The following CYP4F12 variants were observed in gnomAD, a reference collection of about 807,000 sequenced individuals.
CYP4F12 encodes the protein cytochrome P450 4F12.
In CYP4F12, 60 loss-of-function variants were observed where a neutral mutation model predicts 56.5. The observed-to-expected ratio is 1.06, with a 90% confidence interval of 0.86 to 1.32. The LOEUF is 1.32. Among genes scored for constraint, CYP4F12 ranks in the 40% most tolerant of loss-of-function variants. The pLI, the probability that CYP4F12 is intolerant of heterozygous loss-of-function variation, is 0.00. For missense variants in CYP4F12, 711 were observed against 683.5 expected, an observed-to-expected ratio of 1.04 and a Z score of -0.45; for synonymous variants, 263 against 264.9, an observed-to-expected ratio of 0.99 and a Z score of 0.07.
Position 15,695,937 on chromosome 19 carries a change from G to A in CYP4F12, c.1117G>A (p.Asp373Asn). Residue 373 changes from aspartate (D) to asparagine (N), a missense_variant and splice_region_variant, in exon 10 of 13, where the codon GAC (aspartate) becomes AAC (asparagine). Coordinates refer to ENST00000550308, the MANE Select transcript of CYP4F12 (RefSeq NM_023944.4). ...KDRDPKEIEW[D>N]DLAQLPFLTM... ...ACTGGGGCTGGGGTGTTTCCTTAGGGACGACCTGGCCCAGCTGCCCTTCCT... is the reference window on the plus strand; with the variant it reads ...ACTGGGGCTGGGGTGTTTCCTTAGGAACGACCTGGCCCAGCTGCCCTTCCT... The A allele has an allele frequency of 1.2e-6, 2 of 1,612,504 alleles. No individual in the cohort carries two copies. The highest frequency in any genetic ancestry group is 8.5e-7 in the Non-Finnish European group (1 of 1,179,488).
At chr19:15,696,613 C>T (rs1220977026) in intron 12 of CYP4F12, 101 bp downstream of exon 12, 5 of 1,369,454 alleles carry the variant, frequency 3.7e-6, no homozygotes, top group Non-Finnish European at 5.1e-6. Context: ...CTCCTTCCCT[C>T]CATTCCTTCA....
chr19:15,676,933 C>CACTCACTCATTCCTCTCCT (rs1568413784), intron 2 of CYP4F12, among the ~76,000 whole-genome samples: 3 of 5,118 alleles, frequency 5.9e-4, no homozygotes, highest in African/African-American at 1.7e-3. Context: ...ATTCCTCTCC[C>CACTCACTCATTCCTCTCCT]CACTCACTCA....
At chr19:15,684,585 C>T in intron 7 of CYP4F12, 2 of 455,238 alleles carry the variant, frequency 4.4e-6, no homozygotes, top group Middle Eastern at 5.6e-4. Flanking sequence ...TGATTCCTGT[C>T]ACCAGGGTCC....
chr19:15,678,562 T>A, intron 3 of CYP4F12, 157 bp downstream of exon 3: 1 of 1,009,410 alleles, frequency 9.9e-7, no homozygotes, highest in Non-Finnish European at 1.4e-6. Flanking sequence ...CTTGGTGTTC[T>A]GGGCACCACT....
At chr19:15,689,679 T>C (rs987782547) in intron 9 of CYP4F12, among the ~76,000 whole-genome samples, 14 of 152,186 alleles carry the variant, frequency 9.2e-5, no homozygotes, top group African/African-American at 1.9e-4. Context: ...CAATTCACAA[T>C]TGTAAAGGTA....
chr19:15,684,670 C>T (rs899692127), intron 7 of CYP4F12, 146 bp from the exon 8 acceptor site: 9 of 758,456 alleles, frequency 1.2e-5, no homozygotes, highest in African/African-American at 1.7e-5. Context: ...GAGATCTAGA[C>T]GTGCAGAGTG....
At chr19:15,677,324 C>T (rs186433736) in intron 2 of CYP4F12, among the ~76,000 whole-genome samples, 416 of 16,888 alleles carry the variant, frequency 0.025, 189 homozygotes, top group African/African-American at 0.073. Context: ...AGTCATTCCT[C>T]TCCTCACTCA....
chr19:15,679,971 T>C (rs559426562), intron 3 of CYP4F12, among the ~76,000 whole-genome samples: 16 of 152,310 alleles, frequency 1.1e-4, no homozygotes, highest in African/African-American at 3.6e-4. Context: ...TGGAGCTGTG[T>C]TCAGTTGTTG....
At chr19:15,689,349 A>G (rs905321195) in intron 9 of CYP4F12, among the ~76,000 whole-genome samples, 1 of 152,222 alleles carries the variant, frequency 6.6e-6, no homozygotes, top group Non-Finnish European at 1.5e-5. Context: ...GCCACGAAAC[A>G]TATGAAAAAA....
intron 5 of CYP4F12, chr19:15,681,318 G>A (rs1366080964): frequency 6.6e-6 from 1 of 152,308 alleles, no homozygotes; most frequent in African/African-American, 2.4e-5. Context: ...GAAAGGGTAC[G>A]AATACAGGGA....
intron 2 of CYP4F12, among the ~76,000 whole-genome samples, chr19:15,675,139 G>A (rs1328356181): frequency 6.6e-6 from 1 of 151,350 alleles, no homozygotes; most frequent in Non-Finnish European, 1.5e-5. Context: ...AGTGAGCCCT[G>A]TAGCCCAACC....
chr19:15,679,498 A>T (rs2007166286), intron 3 of CYP4F12, among the ~76,000 whole-genome samples: 1 of 152,126 alleles, frequency 6.6e-6, no homozygotes, highest in Non-Finnish European at 1.5e-5. Flanking sequence ...TTTCAATATT[A>T]TACCTGGTTA....
At chr19:15,678,609 GAAGGAACCCCCATGCTT>G (rs1274974266) in intron 3 of CYP4F12, 6 of 622,112 alleles carry the variant, frequency 9.6e-6, no homozygotes, top group Non-Finnish European at 1.6e-5. Flanking sequence ...GCCCTTTCTG[GAAGGAACCCCCATGCTT>G]AAGGACACGG....
chr19:15,696,509 C>T lies in CYP4F12; in HGVS notation c.1394C>T (p.Pro465Leu), dbSNP rs2008148629. 6.2e-7 allele frequency: 1 copy of T among 1,613,442 alleles called. No homozygotes were observed. The highest frequency in any genetic ancestry group is 8.5e-7 in the Non-Finnish European group (1 of 1,179,880). ...PLAFIPFSAG[P>L]RNCIGQAFAM... Reference sequence around the variant, plus strand: ...GCTTTTATTCCTTTCTCCGCAGGGCCCAGGTAAGAGCGCCCTGTGTCTGAG... The same window carrying T: ...GCTTTTATTCCTTTCTCCGCAGGGCTCAGGTAAGAGCGCCCTGTGTCTGAG... The change falls in exon 12 of 13, where the codon CCC becomes CTC. Residue 465 changes from proline to leucine, a missense_variant. By Grantham distance (98) the Pro-to-Leu change is moderately conservative. Coordinates refer to ENST00000550308, the MANE Select transcript of CYP4F12 (RefSeq NM_023944.4).
rs368441035 is a variant in CYP4F12, at chr19:15,696,790, TTCTC to T, written c.1398-107_1398-104del. 2,483 of 1,311,896 alleles carry T rather than the reference TTCTC, an allele frequency of 1.9e-3. 32 individuals carry two copies. The African/African-American group carries it at 0.032, about 17-fold the overall frequency. 81.3% of individuals were successfully genotyped at this position (1,311,896 alleles called of 1,614,324 possible). A position where few individuals can be genotyped will look rare whatever the true frequency, so the allele number is the denominator to read the frequency against. On this transcript the variant is annotated intron_variant, in intron 12 of 12. Coordinates refer to ENST00000550308, the MANE Select transcript of CYP4F12 (RefSeq NM_023944.4). ...TGGGAGTCCCAGGCACGCTTAGTCT[TTCTC>T]TCTCTCTCTCAGGCTGAGCTGGGTG... is the stretch of plus-strand genomic sequence containing the variant.
Position 15,676,373 on chromosome 19 carries a change from T to TCACTCACTCATTCCAATACC in CYP4F12, c.199-1874_199-1873insAATACCCACTCACTCATTCC, listed in dbSNP as rs1568413216. On this transcript the variant is annotated intron_variant, in intron 2 of 12. Transcript: ENST00000550308. ...AATACCAACTCACTCATTCCTCTCC[T>TCACTCACTCATTCCAATACC]CACTCACTCATTCCTCTCCTCACTC... Among the ~76,000 whole-genome samples, 7 of 107,188 alleles carry TCACTCACTCATTCCAATACC rather than the reference T, an allele frequency of 6.5e-5. 1 individual carries two copies. The highest frequency in any genetic ancestry group is 2.0e-4 in the African/African-American group (6 of 30,222). 70.3% of individuals were successfully genotyped at this position (107,188 alleles called of 152,430 possible). A position where few individuals can be genotyped will look rare whatever the true frequency, so the allele number is the denominator to read the frequency against.
In CYP4F12 at chr19:15,695,826, C is replaced by T. The variant is rs187090816; in HGVS notation, c.1116-110C>T. The T allele has an allele frequency of 2.0e-4, 285 of 1,432,602 alleles. 2 individuals are homozygous for T. The African/African-American group carries it at 2.9e-3, about 14-fold the overall frequency. The allele number at this position is 1,432,602 out of a possible 1,614,324, so 88.7% of individuals were successfully genotyped here. ...TTAAAATTCTCAAATGTTTGATCCC[C>T]GTGGAGTTTATTTTGTGATAGGGAG... On this transcript the variant is annotated intron_variant, in intron 9 of 12. Transcript: ENST00000550308.
chr19:15,693,809 T>C (rs980184788), intron 9 of CYP4F12, among the ~76,000 whole-genome samples: 2 of 147,886 alleles, frequency 1.4e-5, no homozygotes, highest in Non-Finnish European at 3.0e-5. Context: ...TTCTAGGGTT[T>C]TTATGGTTTT....
intron 6 of CYP4F12, 91 bp downstream of exon 6, chr19:15,682,601 C>G (rs946851923): frequency 2.6e-6 from 4 of 1,563,976 alleles, no homozygotes; most frequent in Admixed American, 3.4e-5. Flanking sequence ...CCAGAAGTAC[C>G]TTTCGGGAGG....
Sources: gnomAD v4.1 joint callset for allele counts (sites outside exome capture counted in the v4.1 genomes callset) on GRCh38, gnomAD v4.1.1 for gene constraint, MANE v1.5 for transcripts, NCBI Gene and HGNC (gene_info 2026-07-23, HGNC 2026-07-21) for gene names.